Variants in SCNN1B observed in about 807,000 individuals in gnomAD.
The protein encoded by SCNN1B is sodium channel epithelial 1 subunit beta.
Under a neutral mutation model 65.3 loss-of-function variants are expected in SCNN1B, and 46 were observed. The ratio of observed to expected loss-of-function variants is 0.70; its 90% CI spans 0.56 to 0.90. SCNN1B has a LOEUF of 0.90. Ranked by LOEUF, SCNN1B falls within the 40% of genes least tolerant of loss-of-function variation. The probability of loss-of-function intolerance (pLI) is 0.00; values close to 1 mark genes in which losing one functional copy is unlikely to be tolerated. For missense variants in SCNN1B, 751 were observed against 830.5 expected (o/e 0.90, Z 1.18); for synonymous variants, 349 against 330.6 (o/e 1.06, Z -0.60).
In SCNN1B at chr16:23,371,632, G is replaced by A. The variant is rs140049412; in HGVS notation, c.1045-144G>A. ...TGGCCCAAGCTTTAGGGGAAGGTGA[G>A]CCCTCTGGCGCCCCCTCTGGCGCCC... On this transcript the variant is annotated intron_variant, in intron 6 of 12. Transcript: ENST00000343070. 1.7e-4 allele frequency: 167 copies of A among 963,890 alleles called. No individual in the cohort carries two copies. In the African/African-American group the frequency reaches 2.6e-3, roughly 15 times the overall value. 59.7% of individuals were successfully genotyped at this position (963,890 alleles called of 1,614,324 possible). A position where few individuals can be genotyped will look rare whatever the true frequency, so the allele number is the denominator to read the frequency against.
At chr16:23,291,101 G>T (rs368923411) in intron 2 of SCNN1B, among the ~76,000 whole-genome samples, 1 of 141,362 alleles carries the variant, frequency 7.1e-6, no homozygotes, top group Non-Finnish European at 1.5e-5. Context: ...TTGCTGTGTC[G>T]CCCAGGCTGG....
chr16:23,313,138 T>C (rs1343853502), intron 1 of SCNN1B, among the ~76,000 whole-genome samples: 1 of 152,184 alleles, frequency 6.6e-6, no homozygotes, highest in Non-Finnish European at 1.5e-5. Context: ...GAACGTTTAT[T>C]GAATGAATAA....
At position 23,367,948 on chromosome 16, in the gene SCNN1B, G is replaced by C. The variant is rs767088417; in HGVS notation, c.869G>C (p.Gly290Ala). ...AAGGCACTTCCTTCGGCCAACCCTG[G>C]AACTGAATTCGGTGAGTTTTGGTTT... ...TEKALPSANP[G>A]TEFGLKLILD... Residue 290 changes from glycine to alanine, a missense_variant, in exon 5 of 13, where the codon GGA (glycine) becomes GCA (alanine). By Grantham distance (60) the Gly-to-Ala change is moderately conservative. Transcript: ENST00000343070. 6.2e-7 allele frequency: 1 copy of C among 1,613,526 alleles called. No homozygotes were observed. The highest frequency in any genetic ancestry group is 2.2e-5 in the East Asian group (1 of 44,884).
intron 1 of SCNN1B, among the ~76,000 whole-genome samples, chr16:23,326,204 A>G (rs1485272424): frequency 6.6e-6 from 1 of 152,098 alleles, no homozygotes; most frequent in Non-Finnish European, 1.5e-5. Context: ...GGTTTTTTTC[A>G]AGCAGCATTC....
intron 1 of SCNN1B, among the ~76,000 whole-genome samples, chr16:23,318,633 G>C (rs1470408582): frequency 6.6e-6 from 1 of 152,080 alleles, no homozygotes; most frequent in East Asian, 1.9e-4. Flanking sequence ...ATAAAATAAA[G>C]ACTATAATAA....
At chr16:23,372,197 G>A in intron 7 of SCNN1B, 1 of 449,228 alleles carries the variant, frequency 2.2e-6, no homozygotes, top group Non-Finnish European at 4.1e-6. Flanking sequence ...AGCTTCCATT[G>A]TGTGTGAAAT....
intron 1 of SCNN1B, among the ~76,000 whole-genome samples, chr16:23,316,049 A>G (rs957786335): frequency 2.6e-5 from 4 of 151,070 alleles, no homozygotes; most frequent in Admixed American, 6.6e-5. Flanking sequence ...CACCATCACC[A>G]TCACCATCCT....
intron 1 of SCNN1B, among the ~76,000 whole-genome samples, chr16:23,333,458 C>T (rs1447205614): frequency 1.3e-5 from 2 of 152,316 alleles, no homozygotes; most frequent in East Asian, 3.9e-4. Context: ...CAGTTCCAAC[C>T]ACCCATGGTA....
At chr16:23,364,722 G>A (rs1029605493) in intron 4 of SCNN1B, among the ~76,000 whole-genome samples, 1 of 152,182 alleles carries the variant, frequency 6.6e-6, no homozygotes, top group African/African-American at 2.4e-5. Flanking sequence ...CTGGCGTGGT[G>A]GCTCACACAT....
In SCNN1B at chr16:23,324,188, C is replaced by CTTT. The variant is rs780078926; in HGVS notation, c.-9+21766_-9+21768dup. Among the ~76,000 whole-genome samples, 339 of 137,506 alleles carry CTTT rather than the reference C, an allele frequency of 2.5e-3. 1 individual carries two copies. Among genetic ancestry groups the CTTT allele is most frequent in the African/African-American group, 8.9e-3 (332 of 37,114 alleles). The allele number at this position is 137,506 out of a possible 152,430, so 90.2% of individuals were successfully genotyped here. On this transcript the variant is annotated intron_variant, in intron 1 of 12. Coordinates refer to ENST00000343070, the MANE Select transcript of SCNN1B (RefSeq NM_000336.3). Reference sequence around the variant, plus strand: ...CAAGTCTGTCTAACTCAAAAGCTCACTTTTTTTTTTTTTTTTTGAGACAGG... The same window carrying CTTT: ...CAAGTCTGTCTAACTCAAAAGCTCACTTTTTTTTTTTTTTTTTTTTGAGACAGG...
At chr16:23,379,096 T>C (rs1962977705) in intron 11 of SCNN1B, among the ~76,000 whole-genome samples, 1 of 138,330 alleles carries the variant, frequency 7.2e-6, no homozygotes, top group Non-Finnish European at 1.5e-5. Context: ...CTCCACCCAT[T>C]CATCCCTCCA....
chr16:23,309,441 C>CAGACAGAT (rs1961293756), intron 1 of SCNN1B, among the ~76,000 whole-genome samples: 2 of 134,226 alleles, frequency 1.5e-5, no homozygotes, highest in African/African-American at 7.0e-5. Context: ...GATAGATAGA[C>CAGACAGAT]AGATAGATAG....
chr16:23,296,090 T>C (rs1013591155), intron 2 of SCNN1B, among the ~76,000 whole-genome samples: 7 of 152,026 alleles, frequency 4.6e-5, no homozygotes, highest in African/African-American at 1.7e-4. Flanking sequence ...TTGTGGCCAA[T>C]TGGCCGGGCT....
At chr16:23,362,518 A>C (rs1962573891) in intron 4 of SCNN1B, among the ~76,000 whole-genome samples, 2 of 151,960 alleles carry the variant, frequency 1.3e-5, no homozygotes, top group African/African-American at 4.8e-5. Flanking sequence ...AGGATGCTCT[A>C]TTTCCCAGTC....
At chr16:23,357,108 G>A (rs897428195) in intron 4 of SCNN1B, among the ~76,000 whole-genome samples, 3 of 152,214 alleles carry the variant, frequency 2.0e-5, no homozygotes, top group Non-Finnish European at 4.4e-5. Context: ...GGCCTCCAAT[G>A]CTCACACTTC....
chr16:23,366,611 G>A (rs1596878439), intron 4 of SCNN1B, among the ~76,000 whole-genome samples: 1 of 152,158 alleles, frequency 6.6e-6, no homozygotes, highest in Admixed American at 6.5e-5. Context: ...GCGGGTGCCT[G>A]TAATCCCAGC....
chr16:23,282,523 G>C (rs900502607), intron 1 of SCNN1B, among the ~76,000 whole-genome samples: 1 of 152,152 alleles, frequency 6.6e-6, no homozygotes, highest in Non-Finnish European at 1.5e-5. Context: ...GTTTATGATG[G>C]GGTTACATCC....
chr16:23,371,435 G>T lies in SCNN1B; in HGVS notation c.1017G>T (p.Gly339=). The T allele has an allele frequency of 1.2e-6, 2 of 1,614,086 alleles. No individual in the cohort carries two copies. Among genetic ancestry groups the T allele is most frequent in the Non-Finnish European group, 1.7e-6 (2 of 1,180,020 alleles). The change falls in exon 6 of 13, where the codon GGG becomes GGT. Residue 339 remains glycine, a synonymous_variant. Transcript: ENST00000343070. ...ATGAGGGCATCTACGCCATGTCGGG[G>T]ACAGAGACGTCCATCGGGGTACTCG... ...IRDEGIYAMS[G]TETSIGVLVD...
chr16:23,368,057 G>GA, intron 5 of SCNN1B, 98 bp downstream of exon 5: 4 of 921,558 alleles, frequency 4.3e-6, no homozygotes, highest in South Asian at 2.6e-5. Context: ...GTGGGACTGA[G>GA]GGGGGACCAA....
Sources: allele counts gnomAD v4.1 joint callset (sites outside exome capture counted in the v4.1 genomes callset), GRCh38; gene constraint gnomAD v4.1.1; transcripts MANE v1.5; gene names NCBI Gene and HGNC (gene_info 2026-07-23, HGNC 2026-07-21).